The following MRPL3 variants were observed in gnomAD, a reference collection of about 807,000 sequenced individuals.
The protein encoded by MRPL3 is mitochondrial ribosomal protein L3.
A neutral mutation model predicts 44.3 loss-of-function variants in MRPL3; 43 were observed. The observed-to-expected ratio is 0.97, with a 90% CI of 0.76 to 1.25. The LOEUF is 1.25. Among genes scored for constraint, MRPL3 ranks in the 50% most tolerant of loss-of-function variants. The pLI, the probability that MRPL3 is intolerant of heterozygous loss-of-function variation, is 0.00. For synonymous variants in MRPL3, 171 were observed against 152.3 expected (o/e 1.12, Z -0.91); for missense variants, 406 against 427.6 (o/e 0.95, Z 0.45).
intron 2 of MRPL3, 106 bp downstream of exon 2, chr3:131,501,425 A>G (rs758131646): frequency 1.0e-4 from 102 of 1,015,898 alleles, no homozygotes; most frequent in Non-Finnish European, 1.4e-4. Flanking sequence ...GCACATGAAA[A>G]ATAAATTCAA....
At chr3:131,491,668 A>G (rs1312556407) in intron 4 of MRPL3, among the ~76,000 whole-genome samples, 1 of 151,990 alleles carries the variant, frequency 6.6e-6, no homozygotes, top group Admixed American at 6.6e-5. Flanking sequence ...TGTCCCATTC[A>G]TCAGCAATTC....
chr3:131,501,878 C>T (rs777786898), intron 1 of MRPL3, 163 bp from the exon 2 acceptor site: 9 of 1,541,756 alleles, frequency 5.8e-6, no homozygotes, highest in Non-Finnish European at 7.8e-6. Context: ...TCCTCACTCC[C>T]CACATTCCTT....
intron 6 of MRPL3, among the ~76,000 whole-genome samples, chr3:131,485,651 G>GA (rs147601693): frequency 5.5e-5 from 8 of 145,446 alleles, no homozygotes; most frequent in Middle Eastern, 7.3e-3. Flanking sequence ...CAGGAAGCAG[G>GA]AAAAAAAAAA....
At chr3:131,468,821 T>C (rs1356716268) in intron 8 of MRPL3, among the ~76,000 whole-genome samples, 3 of 151,998 alleles carry the variant, frequency 2.0e-5, no homozygotes, top group Non-Finnish European at 4.4e-5. Context: ...AAATCTTAGG[T>C]TTAATTATAT....
intron 6 of MRPL3, among the ~76,000 whole-genome samples, chr3:131,477,874 C>T (rs1366818982): frequency 1.3e-5 from 2 of 152,168 alleles, no homozygotes; most frequent in Admixed American, 6.5e-5. Context: ...ACGTCCCGCT[C>T]CTTTCCATTG....
intron 6 of MRPL3, among the ~76,000 whole-genome samples, chr3:131,477,599 A>G (rs1161446959): frequency 6.6e-6 from 1 of 151,986 alleles, no homozygotes; most frequent in African/African-American, 2.4e-5. Context: ...ACAATAATCA[A>G]CTCAAGGCCT....
rs755670166 is a variant in MRPL3, at chr3:131,471,244, C to T, written c.665G>A (p.Trp222Ter). The T allele has an allele frequency of 6.8e-6, 11 of 1,613,402 alleles. No individual in the cohort carries two copies. Among genetic ancestry groups the T allele is most frequent in the Non-Finnish European group, 8.5e-7 (1 of 1,179,494 alleles). The change falls in exon 7 of 10, where the codon TGG (tryptophan) becomes TAG (stop). Residue 222 changes from tryptophan (W) to a stop codon, truncating the protein, a stop_gained. Transcript: ENST00000264995. LOFTEE classifies it high-confidence loss of function. The part of the protein sequence containing the change: ...GKGFQGVMKR[W>*]GFKGQPATHG... ...CGTAGCAGGCTGGCCTTTAAATCCC[C>T]ATCTTTTCATGACACCTTGAAAACC...
chr3:131,480,924 C>G (rs534244097), intron 6 of MRPL3, among the ~76,000 whole-genome samples: 1 of 152,302 alleles, frequency 6.6e-6, no homozygotes, highest in African/African-American at 2.4e-5. Flanking sequence ...CATTTAGCCT[C>G]AGACCCTCAG....
intron 9 of MRPL3, among the ~76,000 whole-genome samples, chr3:131,465,667 A>G (rs931591832): frequency 2.0e-5 from 3 of 152,126 alleles, no homozygotes; most frequent in Admixed American, 1.3e-4. Context: ...ATAACCTGTG[A>G]TCTGAAATGT....
Position 131,468,184 on chromosome 3 carries a change from A to T in MRPL3, c.817-16T>A. On this transcript the variant is annotated splice_polypyrimidine_tract_variant and intron_variant, in intron 8 of 9. Transcript: ENST00000264995. ...TTCTCCACACCTAAAGCATGAAATA[A>T]AACCAAAAATTTTAGGATATACTTG... 6.6e-7 allele frequency: 1 copy of T among 1,519,044 alleles called. No individual in the cohort carries two copies. The highest frequency in any genetic ancestry group is 8.9e-7 in the Non-Finnish European group (1 of 1,121,430). 94.1% of individuals were successfully genotyped at this position (1,519,044 alleles called of 1,614,324 possible).
chr3:131,495,213 C>G (rs1023401092), intron 4 of MRPL3, among the ~76,000 whole-genome samples: 21 of 151,724 alleles, frequency 1.4e-4, no homozygotes, highest in African/African-American at 4.6e-4. Flanking sequence ...TTAAAAAATC[C>G]TCTATAATCA....
chr3:131,467,067 T>C (rs751979663), intron 9 of MRPL3, among the ~76,000 whole-genome samples: 1 of 152,094 alleles, frequency 6.6e-6, no homozygotes, highest in Non-Finnish European at 1.5e-5. Context: ...AGATTCTACA[T>C]AAAAGTGAGA....
At chr3:131,480,452 C>T (rs1303176771) in intron 6 of MRPL3, among the ~76,000 whole-genome samples, 3 of 152,168 alleles carry the variant, frequency 2.0e-5, no homozygotes, top group African/African-American at 7.2e-5. Context: ...ACCTGAAATG[C>T]AGGTATATGA....
At chr3:131,471,137 T>C in intron 7 of MRPL3, 34 bp downstream of exon 7, 2 of 1,409,912 alleles carry the variant, frequency 1.4e-6, no homozygotes, top group African/African-American at 1.4e-5. Flanking sequence ...GTTGAATATT[T>C]AGCATTAAAA....
At chr3:131,471,132 ATATT>A (rs1231503478) in intron 7 of MRPL3, 35 bp downstream of exon 7, 2 of 1,383,812 alleles carry the variant, frequency 1.4e-6, no homozygotes, top group African/African-American at 1.4e-5. Context: ...CAGAAGTTGA[ATATT>A]TAGCATTAAA....
chr3:131,474,967 G>C (rs1300747980), intron 6 of MRPL3, among the ~76,000 whole-genome samples: 1 of 151,884 alleles, frequency 6.6e-6, no homozygotes, highest in East Asian at 1.9e-4. Context: ...TTTTGGTAGA[G>C]AGAGGGATCT....
intron 6 of MRPL3, among the ~76,000 whole-genome samples, chr3:131,479,517 G>A (rs1933927969): frequency 6.6e-6 from 1 of 152,114 alleles, no homozygotes; most frequent in African/African-American, 2.4e-5. Flanking sequence ...AATCAACACT[G>A]AGCTGAAATG....
chr3:131,486,896 G>A (rs367856000), intron 6 of MRPL3, among the ~76,000 whole-genome samples: 21 of 152,222 alleles, frequency 1.4e-4, no homozygotes, highest in South Asian at 8.3e-4. Flanking sequence ...ACAGTGTGGC[G>A]ATTCCTCAAG....
intron 4 of MRPL3, among the ~76,000 whole-genome samples, chr3:131,493,049 AT>A (rs758301320): frequency 6.6e-6 from 1 of 152,034 alleles, no homozygotes; most frequent in Non-Finnish European, 1.5e-5. Flanking sequence ...TAGTACATCT[AT>A]TTTCCTGCTG....
Sources: allele counts gnomAD v4.1 joint callset (sites outside exome capture counted in the v4.1 genomes callset), GRCh38; gene constraint gnomAD v4.1.1; transcripts MANE v1.5; gene names NCBI Gene and HGNC (gene_info 2026-07-23, HGNC 2026-07-21).